KCNMB2: variants seen among roughly 807,000 people sequenced by gnomAD.
KCNMB2 encodes potassium calcium-activated channel subfamily M regulatory beta subunit 2, also known as calcium-activated potassium channel subunit beta-2.
In KCNMB2, 9 loss-of-function variants were observed where a neutral mutation model predicts 24.5. That is an observed-to-expected ratio of 0.37 (90% confidence interval 0.22 to 0.64). KCNMB2 has a LOEUF of 0.64. KCNMB2 is among the 30% of genes least tolerant of loss of function. The pLI, the probability that KCNMB2 is intolerant of heterozygous loss-of-function variation, is 0.63. For synonymous variants in KCNMB2, 109 were observed against 104.4 expected (o/e 1.04, Z -0.27); for missense variants, 226 against 284.3 (o/e 0.79, Z 1.47).
chr3:178,819,558 T>C (rs893644527), intron 2 of KCNMB2, among the ~76,000 whole-genome samples: 4 of 151,482 alleles, frequency 2.6e-5, no homozygotes, highest in Non-Finnish European at 2.9e-5. Context: ...TGCCCGCTAG[T>C]CTTCCCTCCT....
chr3:178,722,955 A>T (rs1411714466), intron 1 of KCNMB2, among the ~76,000 whole-genome samples: 3 of 152,106 alleles, frequency 2.0e-5, no homozygotes, highest in African/African-American at 7.2e-5. Context: ...ACTTTAGGGG[A>T]CACATTCAAA....
intron 1 of KCNMB2, among the ~76,000 whole-genome samples, chr3:178,628,432 T>C (rs1719195998): frequency 1.3e-5 from 2 of 152,138 alleles, no homozygotes; most frequent in Non-Finnish European, 2.9e-5. Flanking sequence ...ACACAGAACA[T>C]GAATTAGAGA....
intron 1 of KCNMB2, among the ~76,000 whole-genome samples, chr3:178,596,870 A>T (rs1310771379): frequency 6.6e-6 from 1 of 152,154 alleles, no homozygotes; most frequent in Non-Finnish European, 1.5e-5. Flanking sequence ...ATAAATCTCC[A>T]CCAAAACTAA....
Position 178,812,960 on chromosome 3 carries a change from A to G in KCNMB2, c.56+5495A>G, listed in dbSNP as rs150751997. 1.7e-3 allele frequency among the ~76,000 whole-genome samples: 252 copies of G among 152,324 alleles called. 3 individuals are homozygous for G. In the East Asian group the frequency reaches 0.042, roughly 25 times the overall value. On this transcript the variant is annotated intron_variant, in intron 2 of 4. Transcript: ENST00000452583. Reference sequence around the variant, plus strand: ...CCACTTGCACTTCCAAGTAAGTTTTAAAATCAGGTTGGCAAGTCACACCTA... The same window carrying G: ...CCACTTGCACTTCCAAGTAAGTTTTGAAATCAGGTTGGCAAGTCACACCTA...
intron 1 of KCNMB2, among the ~76,000 whole-genome samples, chr3:178,595,927 T>C (rs1717852652): frequency 6.6e-6 from 1 of 152,176 alleles, no homozygotes; most frequent in African/African-American, 2.4e-5. Flanking sequence ...AGATGCTCTG[T>C]GTGTGGATCT....
chr3:178,828,480 GA>G, intron 4 of KCNMB2, 107 bp downstream of exon 4: 1 of 743,568 alleles, frequency 1.3e-6, no homozygotes. Context: ...ATACTTCCAG[GA>G]AGCAGAGCCT....
chr3:178,650,325 T>C (rs1720064848), intron 1 of KCNMB2, among the ~76,000 whole-genome samples: 1 of 152,176 alleles, frequency 6.6e-6, no homozygotes, highest in African/African-American at 2.4e-5. Context: ...TTCTGTTACT[T>C]TGGGGTGGAG....
intron 1 of KCNMB2, among the ~76,000 whole-genome samples, chr3:178,742,401 A>C (rs1409817992): frequency 6.6e-6 from 1 of 152,232 alleles, no homozygotes; most frequent in Non-Finnish European, 1.5e-5. Flanking sequence ...TGGCAAAGCA[A>C]GTAACTCTAA....
intron 1 of KCNMB2, among the ~76,000 whole-genome samples, chr3:178,585,931 ATTAG>A (rs886378712): frequency 1.3e-5 from 2 of 152,210 alleles, no homozygotes; most frequent in Non-Finnish European, 2.9e-5. Context: ...ATGTAAGTTT[ATTAG>A]TTAGTGTGTG....
intron 2 of KCNMB2, among the ~76,000 whole-genome samples, chr3:178,809,485 A>G (rs1204505415): frequency 6.6e-6 from 1 of 152,120 alleles, no homozygotes; most frequent in Non-Finnish European, 1.5e-5. Flanking sequence ...TAAATAACTG[A>G]GTGATTTTCA....
rs1560005532 is a variant in KCNMB2, at chr3:178,757,653, TATATATATATGTATATATATCCAAGAGG to T, written c.-67-49623_-67-49596del. The stretch of plus-strand genomic sequence containing the variant: ...ATATATGTATATATATCCAAGAGGA[TATATATATATGTATATATATCCAAGAGG>T]ATATATATATGTATATATATCCAAG... On this transcript the variant is annotated intron_variant, in intron 1 of 4. Transcript: ENST00000452583. Among the ~76,000 whole-genome samples the T allele has an allele frequency of 1.9e-3, 75 of 38,708 alleles. 16 individuals carry two copies. Among genetic ancestry groups the T allele is most frequent in the African/African-American group, 4.6e-3 (37 of 8,048 alleles). The allele number at this position is 38,708 out of a possible 152,430, so 25.4% of individuals were successfully genotyped here.
chr3:178,781,695 G>C (rs1045631537), intron 1 of KCNMB2, among the ~76,000 whole-genome samples: 1 of 151,836 alleles, frequency 6.6e-6, no homozygotes, highest in Non-Finnish European at 1.5e-5. Context: ...GTGAGGAACA[G>C]GGGGGAGTGA....
intron 1 of KCNMB2, among the ~76,000 whole-genome samples, chr3:178,728,137 T>A (rs1383081834): frequency 6.6e-6 from 1 of 152,220 alleles, no homozygotes; most frequent in African/African-American, 2.4e-5. Context: ...TGGGATAGAC[T>A]CTGATAATGG....
intron 1 of KCNMB2, among the ~76,000 whole-genome samples, chr3:178,643,181 T>C (rs951321727): frequency 3.3e-5 from 5 of 152,340 alleles, no homozygotes; most frequent in Middle Eastern, 3.4e-3. Flanking sequence ...AGTGATTTTA[T>C]TTATGGAACA....
intron 1 of KCNMB2, among the ~76,000 whole-genome samples, chr3:178,565,415 A>G (rs1231562328): frequency 6.6e-6 from 1 of 152,224 alleles, no homozygotes; most frequent in African/African-American, 2.4e-5. Flanking sequence ...CACTGTCTAG[A>G]GTGGAAAATG....
chr3:178,570,515 C>CTTTTTTTTTTTTTTTT (rs200106452), intron 1 of KCNMB2, among the ~76,000 whole-genome samples: 1 of 114,598 alleles, frequency 8.7e-6, no homozygotes, highest in African/African-American at 3.0e-5. Flanking sequence ...GTAATGATAC[C>CTTTTTTTTTTTTTTTT]TTTTTTTTTT....
At position 178,816,686 on chromosome 3, in the gene KCNMB2, C is replaced by T. The variant is rs192217202; in HGVS notation, c.57-8902C>T. Reference sequence around the variant, plus strand: ...AATTGTTCTAGAGTGTTTTTCATATCATTTAATTCTGATTTTTAATTTTTG... The same window carrying T: ...AATTGTTCTAGAGTGTTTTTCATATTATTTAATTCTGATTTTTAATTTTTG... On this transcript the variant is annotated intron_variant, in intron 2 of 4. Coordinates refer to ENST00000452583, the MANE Select transcript of KCNMB2 (RefSeq NM_181361.3). Among the ~76,000 whole-genome samples, 910 of 152,192 alleles carry T rather than the reference C, an allele frequency of 6.0e-3. 10 individuals carry two copies. Among genetic ancestry groups the T allele is most frequent in the Admixed American group, 0.024 (365 of 15,286 alleles).
Position 178,644,285 on chromosome 3 carries a change from A to G in KCNMB2, c.-68+107574A>G, listed in dbSNP as rs191300348. Among the ~76,000 whole-genome samples, 163 of 152,344 alleles carry G rather than the reference A, an allele frequency of 1.1e-3. 1 individual carries two copies. Among genetic ancestry groups the G allele is most frequent in the African/African-American group, 3.7e-3 (152 of 41,584 alleles). ...AGGGCACCAGTGTGCAAAGGCACTGAGAGAGCACATTTAGCCAAGGAAGAG... is the reference window on the plus strand; with the variant it reads ...AGGGCACCAGTGTGCAAAGGCACTGGGAGAGCACATTTAGCCAAGGAAGAG... On this transcript the variant is annotated intron_variant, in intron 1 of 4. Coordinates refer to ENST00000452583, the MANE Select transcript of KCNMB2 (RefSeq NM_181361.3).
intron 1 of KCNMB2, among the ~76,000 whole-genome samples, chr3:178,571,447 GATATATATATATATATATATATATATAT>G (rs71181237): frequency 5.5e-5 from 5 of 91,102 alleles, no homozygotes; most frequent in Admixed American, 2.5e-4. Flanking sequence ...TTTCCTTATG[GATATATATATATATATATATATATATAT>G]ATATATATAT....
Sources: allele counts gnomAD v4.1 joint callset (sites outside exome capture counted in the v4.1 genomes callset), GRCh38; gene constraint gnomAD v4.1.1; transcripts MANE v1.5; gene names NCBI Gene and HGNC (gene_info 2026-07-23, HGNC 2026-07-21).